Variants in CNTN4 observed in about 807,000 individuals in gnomAD.
CNTN4 encodes the protein contactin-4.
A neutral mutation model predicts 122.5 loss-of-function variants in CNTN4; 77 were observed. The observed-to-expected ratio is 0.63, with a 90% confidence interval of 0.52 to 0.76. The LOEUF is 0.76. CNTN4 is among the 30% of genes least tolerant of loss of function. The pLI is 0.00. For synonymous variants in CNTN4, 512 were observed against 447.0 expected (o/e 1.15, Z -1.83); for missense variants, 1,256 against 1,259.1 (o/e 1.00, Z 0.04).
At chr3:2,823,329 G>A (rs762721884) in intron 7 of CNTN4, among the ~76,000 whole-genome samples, 3 of 152,180 alleles carry the variant, frequency 2.0e-5, no homozygotes, top group Non-Finnish European at 4.4e-5. Context: ...GATGCTGCAT[G>A]TCCTATTTCG....
intron 13 of CNTN4, among the ~76,000 whole-genome samples, chr3:2,972,517 C>G (rs1469219030): frequency 6.6e-6 from 1 of 152,094 alleles, no homozygotes; most frequent in Non-Finnish European, 1.5e-5. Context: ...TTATAGGGAT[C>G]CAATTTGAAT....
At chr3:2,421,828 A>G (rs369214490) in intron 3 of CNTN4, among the ~76,000 whole-genome samples, 2 of 152,216 alleles carry the variant, frequency 1.3e-5, no homozygotes, top group South Asian at 4.1e-4. Context: ...CTTTTGAGCT[A>G]ACAATGCTAT....
intron 6 of CNTN4, among the ~76,000 whole-genome samples, chr3:2,799,484 A>G (rs2150045086): frequency 6.6e-6 from 1 of 151,784 alleles, no homozygotes; most frequent in South Asian, 2.1e-4. Context: ...TTTCTTTGAG[A>G]TGGAGTCTCA....
At chr3:2,146,145 C>G (rs2035237898) in intron 2 of CNTN4, among the ~76,000 whole-genome samples, 1 of 151,278 alleles carries the variant, frequency 6.6e-6, no homozygotes, top group African/African-American at 2.4e-5. Flanking sequence ...TATTTGAGGG[C>G]TATATGAGAA....
At chr3:3,040,976 G>A (rs1049517439) in intron 20 of CNTN4, 2 of 152,566 alleles carry the variant, frequency 1.3e-5, no homozygotes, top group Non-Finnish European at 2.9e-5. Context: ...AAGTCATGAA[G>A]CAGTGTGATT....
chr3:2,513,321 T>C (rs564365025), intron 3 of CNTN4, among the ~76,000 whole-genome samples: 1 of 152,286 alleles, frequency 6.6e-6, no homozygotes, highest in Non-Finnish European at 1.5e-5. Flanking sequence ...ACTGTTAGTG[T>C]TTTTCTGACT....
chr3:2,221,549 C>A (rs2039061235), intron 2 of CNTN4, among the ~76,000 whole-genome samples: 1 of 143,888 alleles, frequency 6.9e-6, no homozygotes, highest in South Asian at 2.1e-4. Context: ...AGATAGATTG[C>A]ACTTTATCAA....
chr3:2,739,801 A>T (rs2089351059), intron 5 of CNTN4, among the ~76,000 whole-genome samples: 1 of 152,246 alleles, frequency 6.6e-6, no homozygotes, highest in Admixed American at 6.5e-5. Flanking sequence ...TTGGACAAAG[A>T]GTAGTAAATT....
intron 3 of CNTN4, among the ~76,000 whole-genome samples, chr3:2,528,847 ATT>A (rs1192058403): frequency 6.6e-6 from 1 of 152,074 alleles, no homozygotes; most frequent in African/African-American, 2.4e-5. Context: ...AATTATATAT[ATT>A]TATGAAGTAC....
chr3:2,886,702 CG>C (rs993625359), intron 9 of CNTN4, among the ~76,000 whole-genome samples: 1 of 151,220 alleles, frequency 6.6e-6, no homozygotes, highest in Non-Finnish European at 1.5e-5. Context: ...TTAGTAGAGA[CG>C]GGGTTTCACC....
At chr3:2,767,506 C>G (rs1000257843) in intron 6 of CNTN4, among the ~76,000 whole-genome samples, 2 of 152,090 alleles carry the variant, frequency 1.3e-5, no homozygotes, top group African/African-American at 4.8e-5. Context: ...TCTTTATTAC[C>G]TTTACTGAGT....
intron 3 of CNTN4, among the ~76,000 whole-genome samples, chr3:2,566,644 G>T (rs1208178666): frequency 6.6e-6 from 1 of 151,940 alleles, no homozygotes; most frequent in African/African-American, 2.4e-5. Context: ...TTAAATAAAC[G>T]ATGATAGTTA....
intron 7 of CNTN4, among the ~76,000 whole-genome samples, chr3:2,863,126 C>G (rs894988774): frequency 1.3e-5 from 2 of 152,152 alleles, no homozygotes; most frequent in African/African-American, 4.8e-5. Context: ...GCTTTGATGT[C>G]TACATTCTCA....
At chr3:2,571,844 C>A (rs887583679) in intron 4 of CNTN4, among the ~76,000 whole-genome samples, 19 of 152,122 alleles carry the variant, frequency 1.2e-4, no homozygotes, top group African/African-American at 4.3e-4. Flanking sequence ...TTGCTCATCC[C>A]AGTGCCCAGT....
chr3:2,185,843 T>C (rs887175879), intron 2 of CNTN4, among the ~76,000 whole-genome samples: 3 of 152,204 alleles, frequency 2.0e-5, no homozygotes, highest in Non-Finnish European at 4.4e-5. Context: ...TGGTTTTGTT[T>C]TATGAGGCAT....
chr3:2,207,444 G>A (rs996735112), intron 2 of CNTN4, among the ~76,000 whole-genome samples: 1 of 152,040 alleles, frequency 6.6e-6, no homozygotes, highest in African/African-American at 2.4e-5. Context: ...AATTACAAGT[G>A]AACAGACAAA....
chr3:2,988,597 A>T, intron 14 of CNTN4, 125 bp downstream of exon 14: 1 of 970,014 alleles, frequency 1.0e-6, no homozygotes, highest in Non-Finnish European at 1.6e-6. Context: ...AAATTAATTC[A>T]TCACGGCAAA....
At chr3:2,983,015 C>A (rs1195110972) in intron 13 of CNTN4, among the ~76,000 whole-genome samples, 2 of 151,640 alleles carry the variant, frequency 1.3e-5, no homozygotes, top group East Asian at 3.9e-4. Flanking sequence ...GAGATCGAGA[C>A]CATCCTGGCG....
chr3:2,173,500 GTTTA>G (rs752928614), intron 2 of CNTN4, among the ~76,000 whole-genome samples: 6 of 152,118 alleles, frequency 3.9e-5, no homozygotes, highest in Non-Finnish European at 8.8e-5. Flanking sequence ...TATTTTAATG[GTTTA>G]TTTATCTTGG....
Sources: allele counts gnomAD v4.1 joint callset (sites outside exome capture counted in the v4.1 genomes callset), GRCh38; gene constraint gnomAD v4.1.1; transcripts MANE v1.5; gene names NCBI Gene and HGNC (gene_info 2026-07-23, HGNC 2026-07-21).